Variants in KIAA1210 observed in about 807,000 individuals in gnomAD.
KIAA1210 encodes the protein KIAA1210, also known as acrosomal protein KIAA1210.
In KIAA1210, 48 loss-of-function variants were observed where a neutral mutation model predicts 78.9. The observed-to-expected ratio is 0.61, with a 90% confidence interval of 0.48 to 0.77. The LOEUF is 0.77. Ranked by LOEUF, KIAA1210 falls within the 30% of genes least tolerant of loss-of-function variation. The pLI is 0.00. For missense variants in KIAA1210, 1,108 were observed against 1,100.0 expected, an observed-to-expected ratio of 1.01 and a Z score of -0.10; for synonymous variants, 406 against 404.5, an observed-to-expected ratio of 1.00 and a Z score of -0.04.
At chrX:119,148,885 T>C (rs1367691284) in intron 1 of KIAA1210, among the ~76,000 whole-genome samples, 1 of 111,134 alleles carries the variant, frequency 9.0e-6, no homozygotes, top group African/African-American at 3.3e-5. Flanking sequence ...ACTGCAATTG[T>C]ATGTGGGAGA....
At chrX:119,108,979 G>T (rs1927984424) in intron 4 of KIAA1210, 97 bp downstream of exon 4, 1 of 956,218 alleles carries the variant, frequency 1.0e-6, no homozygotes, top group Non-Finnish European at 1.5e-6. Flanking sequence ...CTGAGAAGCA[G>T]AACCAAGTTC....
intron 5 of KIAA1210, among the ~76,000 whole-genome samples, chrX:119,107,726 T>C (rs1186535943): frequency 8.9e-6 from 1 of 111,854 alleles, no homozygotes; most frequent in African/African-American, 3.2e-5. Context: ...TGGAAAATAA[T>C]CATCTCTCCA....
intron 2 of KIAA1210, among the ~76,000 whole-genome samples, chrX:119,122,417 C>T (rs750943460): frequency 8.9e-6 from 1 of 111,872 alleles, no homozygotes; most frequent in African/African-American, 3.2e-5. Flanking sequence ...AACCTCCCAA[C>T]AGCCACCTTA....
Position 119,086,310 on chromosome X carries a change from G to C in KIAA1210, c.4156+236C>G, listed in dbSNP as rs188345759. ...AATGGTCATGTGTCTACTATGGAATGTAGATGGATGTCCAGAGGGGGATCC... is the reference window on the plus strand; with the variant it reads ...AATGGTCATGTGTCTACTATGGAATCTAGATGGATGTCCAGAGGGGGATCC... On this transcript the variant is annotated intron_variant, in intron 9 of 11. Transcript: ENST00000691062. Among the ~76,000 whole-genome samples, 787 of 111,745 alleles carry C rather than the reference G, an allele frequency of 7.0e-3. 3 individuals are homozygous for C. Among genetic ancestry groups the C allele is most frequent in the Middle Eastern group, 0.028 (6 of 218 alleles).
rs1927135070 is a variant in KIAA1210 at position 119,086,455 on chromosome X, C to A, written c.4156+91G>T. 5.7e-6 allele frequency: 5 copies of A among 877,951 alleles called. No homozygotes were observed. The Admixed American group carries it at 1.6e-4, about 27-fold the overall frequency. 72.4% of individuals were successfully genotyped at this position (877,951 alleles called of 1,213,427 possible). Reference sequence around the variant, plus strand: ...ATCAAAGCCACAATTCAGTAAAAGACTAGAATAGACTTTAATGCCCATTCA... The same window carrying A: ...ATCAAAGCCACAATTCAGTAAAAGAATAGAATAGACTTTAATGCCCATTCA... On this transcript the variant is annotated intron_variant, in intron 9 of 11. Coordinates refer to ENST00000691062, the MANE Select transcript of KIAA1210 (RefSeq NM_001394962.1).
At chrX:119,136,001 C>A (rs1928904426) in intron 2 of KIAA1210, among the ~76,000 whole-genome samples, 1 of 110,434 alleles carries the variant, frequency 9.1e-6, no homozygotes. Flanking sequence ...TGCAATGAGC[C>A]GAGATTGCGC....
chrX:119,127,298 T>A (rs758838988), intron 1 of KIAA1210, among the ~76,000 whole-genome samples: 5 of 107,771 alleles, frequency 4.6e-5, no homozygotes, highest in Non-Finnish European at 9.6e-5. Flanking sequence ...GCTAACATTG[T>A]CATTGACCTA....
intron 7 of KIAA1210, chrX:119,094,007 G>A (rs375261264): frequency 7.0e-5 from 84 of 1,196,004 alleles, no homozygotes; most frequent in Non-Finnish European, 8.9e-5. Context: ...GTTCATCCAG[G>A]TTTGGAGTTT....
chrX:119,144,270 G>T (rs1929116364), intron 2 of KIAA1210, among the ~76,000 whole-genome samples: 1 of 112,405 alleles, frequency 8.9e-6, no homozygotes, highest in African/African-American at 3.2e-5. Flanking sequence ...ACATCGTGAG[G>T]AACTCCCGGT....
At chrX:119,131,105 C>T (rs772252856), upstream of KIAA1210, among the ~76,000 whole-genome samples, 4 of 112,038 alleles carry the variant, frequency 3.6e-5, no homozygotes, top group South Asian at 1.1e-3. Flanking sequence ...ATGGAGAATG[C>T]TAATGGAAAG....
chrX:119,091,907 A>C (rs1268180747), intron 8 of KIAA1210, among the ~76,000 whole-genome samples: 2 of 111,414 alleles, frequency 1.8e-5, no homozygotes, highest in Non-Finnish European at 3.8e-5. Flanking sequence ...AAAGGCATAC[A>C]GAGTGGTATA....
chrX:119,138,221 T>G (rs1928962899), intron 2 of KIAA1210, among the ~76,000 whole-genome samples: 2 of 86,262 alleles, frequency 2.3e-5, no homozygotes, highest in Non-Finnish European at 2.3e-5. Context: ...GTTTTTTTTT[T>G]TTTTTTTTTT....
chrX:119,133,412 T>C (rs1237403630), intron 2 of KIAA1210, among the ~76,000 whole-genome samples: 1 of 111,463 alleles, frequency 9.0e-6, no homozygotes, highest in Non-Finnish European at 1.9e-5. Flanking sequence ...CAGAGTTCAT[T>C]TGGTGGGGTA....
chrX:119,099,408 C>T (rs1015323198), intron 6 of KIAA1210, among the ~76,000 whole-genome samples: 2 of 112,133 alleles, frequency 1.8e-5, no homozygotes, highest in Non-Finnish European at 3.8e-5. Context: ...GTTAGCTTGA[C>T]TCTCACTAAG....
At chrX:119,138,721 G>C (rs1276143204) in intron 2 of KIAA1210, among the ~76,000 whole-genome samples, 1 of 111,757 alleles carries the variant, frequency 8.9e-6, no homozygotes, top group Non-Finnish European at 1.9e-5. Context: ...GGAAGGAAAA[G>C]AAAAGTGGCA....
chrX:119,094,173 C>A (rs1381096178), intron 7 of KIAA1210: 4 of 590,754 alleles, frequency 6.8e-6, no homozygotes, highest in East Asian at 6.7e-5. Context: ...CTTCACCAGA[C>A]CTGTGAGTCA....
intron 2 of KIAA1210, among the ~76,000 whole-genome samples, chrX:119,137,959 G>C (rs1181596957): frequency 8.9e-6 from 1 of 111,749 alleles, no homozygotes; most frequent in Non-Finnish European, 1.9e-5. Context: ...ACATGGCAAA[G>C]CTGAGAATGG....
chrX:119,126,208 G>A (rs779378034), intron 1 of KIAA1210, among the ~76,000 whole-genome samples: 1 of 108,532 alleles, frequency 9.2e-6, no homozygotes, highest in South Asian at 4.3e-4. Flanking sequence ...ATCTCCAGAG[G>A]TGGGGGGCCG....
At position 119,109,170 on chromosome X, in the gene KIAA1210, G is replaced by T; in HGVS notation, c.263C>A (p.Ser88Tyr). The stretch of plus-strand genomic sequence containing the variant: ...ACCCAACATGAAGATGCTATCATGG[G>T]ATAGGGCTTTGCTCCCCATGCTGCT... ...AKSSMGSKAL[S>Y]HDSIFMLGPE... Residue 88 changes from serine to tyrosine, a missense_variant, in exon 4 of 12, where the codon TCC becomes TAC. This residue lies in a region of KIAA1210 where 672 missense variants were observed against 607.1 expected (regional missense o/e 1.11). Transcript: ENST00000691062. 8.3e-7 allele frequency: 1 copy of T among 1,205,853 alleles called. No individual in the cohort carries two copies. Among genetic ancestry groups the T allele is most frequent in the South Asian group, 1.8e-5 (1 of 55,748 alleles).
Sources: gnomAD v4.1 joint callset for allele counts (sites outside exome capture counted in the v4.1 genomes callset) on GRCh38, gnomAD v4.1.1 for gene constraint, gnomAD v4.1.1 regional missense constraint, MANE v1.5 for transcripts, NCBI Gene and HGNC (gene_info 2026-07-23, HGNC 2026-07-21) for gene names.